Variants in RIMS1 observed in about 807,000 individuals in gnomAD.
RIMS1 encodes regulating synaptic membrane exocytosis 1.
A neutral mutation model predicts 214.1 loss-of-function variants in RIMS1; 83 were observed. That is an observed-to-expected ratio of 0.39 (90% CI 0.32 to 0.47). The LOEUF (loss-of-function observed/expected upper bound fraction) is 0.47. Ranked by LOEUF, RIMS1 falls within the 20% of genes least tolerant of loss-of-function variation. The pLI is 0.99. For synonymous variants in RIMS1, 793 were observed against 786.8 expected (o/e 1.01, Z -0.13); for missense variants, 2,050 against 2,161.8 (o/e 0.95, Z 1.03).
chr6:72,040,947 G>A (rs1821269413), intron 2 of RIMS1, among the ~76,000 whole-genome samples: 1 of 151,774 alleles, frequency 6.6e-6, no homozygotes, highest in African/African-American at 2.4e-5. Context: ...AAGCCTATTT[G>A]TTATCTGGCG....
At chr6:72,321,785 T>G (rs1318785460) in intron 28 of RIMS1, among the ~76,000 whole-genome samples, 2 of 152,130 alleles carry the variant, frequency 1.3e-5, no homozygotes, top group Admixed American at 6.6e-5. Context: ...AAGATTTTTT[T>G]GTTCCCTCTA....
chr6:72,219,774 A>C (rs574968563), intron 6 of RIMS1, among the ~76,000 whole-genome samples: 1 of 151,950 alleles, frequency 6.6e-6, no homozygotes, highest in African/African-American at 2.4e-5. Flanking sequence ...TCTTCTGAGT[A>C]GGTTCAAATT....
chr6:72,237,006 C>G (rs924335661), intron 8 of RIMS1, among the ~76,000 whole-genome samples: 1 of 151,952 alleles, frequency 6.6e-6, no homozygotes, highest in Non-Finnish European at 1.5e-5. Flanking sequence ...AGGAACCAGC[C>G]TGGTCAACAT....
chr6:71,912,579 C>T (rs1777250553), intron 1 of RIMS1, among the ~76,000 whole-genome samples: 1 of 151,918 alleles, frequency 6.6e-6, no homozygotes, highest in Non-Finnish European at 1.5e-5. Context: ...AGGATAGTTC[C>T]ATAAGCTTCT....
intron 6 of RIMS1, among the ~76,000 whole-genome samples, chr6:72,205,310 G>A (rs946337202): frequency 2.0e-5 from 3 of 152,206 alleles, no homozygotes; most frequent in Admixed American, 6.5e-5. Flanking sequence ...TAATAATAGT[G>A]AAACACAAAA....
At chr6:72,119,050 G>C (rs1429668922) in intron 4 of RIMS1, among the ~76,000 whole-genome samples, 1 of 151,724 alleles carries the variant, frequency 6.6e-6, no homozygotes, top group African/African-American at 2.4e-5. Context: ...GTTCGCCAAT[G>C]ATATGATTGT....
At chr6:72,343,796 T>C (rs991383840) in intron 29 of RIMS1, among the ~76,000 whole-genome samples, 29 of 151,760 alleles carry the variant, frequency 1.9e-4, no homozygotes, top group African/African-American at 6.3e-4. Context: ...ATAATATAAG[T>C]ATTCTAAGGT....
At chr6:72,310,543 G>A (rs1277064940) in intron 27 of RIMS1, among the ~76,000 whole-genome samples, 3 of 151,938 alleles carry the variant, frequency 2.0e-5, no homozygotes, top group African/African-American at 4.8e-5. Context: ...AACAGCAACC[G>A]AGAGTGATGT....
chr6:71,955,675 A>T (rs1353280365), intron 1 of RIMS1, among the ~76,000 whole-genome samples: 1 of 152,180 alleles, frequency 6.6e-6, no homozygotes, highest in Non-Finnish European at 1.5e-5. Context: ...TATGTAATGT[A>T]TATTTAAGAT....
intron 2 of RIMS1, among the ~76,000 whole-genome samples, chr6:72,035,609 A>G (rs1398932517): frequency 6.6e-6 from 1 of 152,126 alleles, no homozygotes; most frequent in East Asian, 1.9e-4. Flanking sequence ...GAAAATTATT[A>G]TTTGAATTTG....
At chr6:72,035,651 A>G (rs76969377) in intron 2 of RIMS1, among the ~76,000 whole-genome samples, 17,450 of 152,170 alleles carry the variant, frequency 0.11, 1,189 homozygotes, top group South Asian at 0.17. Flanking sequence ...GTGACTCAAG[A>G]AAACCAGTCC....
chr6:72,213,035 T>G lies in RIMS1; in HGVS notation c.1679-20738T>G, dbSNP rs1421800163. ...GTGATGAAGGAGGCGCTTCACACTC[T>G]TCTTAGATAAGATCTTGAGCAGCAG... is the stretch of plus-strand genomic sequence containing the variant. On this transcript the variant is annotated intron_variant, in intron 6 of 33. Coordinates refer to ENST00000521978, the MANE Select transcript of RIMS1 (RefSeq NM_014989.7). The G allele has an allele frequency of 3.9e-6, 6 of 1,524,238 alleles. No homozygotes were observed. The East Asian group carries it at 1.5e-4, about 37-fold the overall frequency. The allele number at this position is 1,524,238 out of a possible 1,614,324, so 94.4% of individuals were successfully genotyped here. A position where few individuals can be genotyped will look rare whatever the true frequency, so the allele number is the denominator to read the frequency against.
chr6:71,934,257 C>A (rs1333682560), intron 1 of RIMS1, among the ~76,000 whole-genome samples: 1 of 152,160 alleles, frequency 6.6e-6, no homozygotes, highest in Non-Finnish European at 1.5e-5. Flanking sequence ...TCTTTGTTTT[C>A]AAGTTTATAG....
intron 28 of RIMS1, among the ~76,000 whole-genome samples, chr6:72,321,585 A>G (rs1003059939): frequency 4.6e-5 from 7 of 152,058 alleles, no homozygotes; most frequent in Admixed American, 2.0e-4. Context: ...ACTGGAAGCC[A>G]CCCAGATTTT....
At chr6:72,153,839 G>C (rs2044063369) in intron 4 of RIMS1, among the ~76,000 whole-genome samples, 1 of 152,094 alleles carries the variant, frequency 6.6e-6, no homozygotes, top group African/African-American at 2.4e-5. Flanking sequence ...TGTTTGTACA[G>C]GTGGTTGTAA....
intron 2 of RIMS1, among the ~76,000 whole-genome samples, chr6:72,040,062 G>A (rs1315611688): frequency 6.6e-5 from 10 of 152,028 alleles, no homozygotes; most frequent in Non-Finnish European, 1.3e-4. Context: ...CATAGGTTTA[G>A]CTACTAACAC....
chr6:71,902,787 C>T (rs1199398265), intron 1 of RIMS1, among the ~76,000 whole-genome samples: 1 of 152,120 alleles, frequency 6.6e-6, no homozygotes, highest in Non-Finnish European at 1.5e-5. Context: ...ATTCGGTTTT[C>T]TGTTCCTGTG....
chr6:72,028,629 C>T (rs1423792162), intron 2 of RIMS1, among the ~76,000 whole-genome samples: 1 of 152,112 alleles, frequency 6.6e-6, no homozygotes, highest in Non-Finnish European at 1.5e-5. Context: ...TACCAAACTC[C>T]CTGCTAAAAA....
At chr6:72,085,553 T>G (rs1485356155) in intron 2 of RIMS1, among the ~76,000 whole-genome samples, 1 of 152,148 alleles carries the variant, frequency 6.6e-6, no homozygotes, top group African/African-American at 2.4e-5. Flanking sequence ...GGGATGATTA[T>G]TTTTATGAAA....
Sources: gnomAD v4.1 joint callset for allele counts (sites outside exome capture counted in the v4.1 genomes callset) on GRCh38, gnomAD v4.1.1 for gene constraint, MANE v1.5 for transcripts, NCBI Gene and HGNC (gene_info 2026-07-23, HGNC 2026-07-21) for gene names.